Variants in FRK observed in about 807,000 individuals in gnomAD.
The protein encoded by FRK is tyrosine-protein kinase FRK.
FRK carries 51 observed loss-of-function variants against 56.4 expected under a neutral mutation model. That is an observed-to-expected ratio of 0.90 (90% CI 0.72 to 1.14). The LOEUF is 1.14. FRK is among the 50% of genes most tolerant of loss of function. FRK has a pLI of 0.00. For synonymous variants in FRK, 245 were observed against 217.9 expected, an observed-to-expected ratio of 1.12 and a Z score of -1.10; for missense variants, 570 against 601.4, an observed-to-expected ratio of 0.95 and a Z score of 0.55.
At position 115,954,544 on chromosome 6, in the gene FRK, G is replaced by A. The variant is rs140813931; in HGVS notation, c.958+1908C>T. ...GAGATGGGACATGAAAAGTAGAGAT[G>A]ATGCCAAGGTATTAGGCCTGAGTTG... On this transcript the variant is annotated intron_variant, in intron 5 of 7. Transcript: ENST00000606080. Among the ~76,000 whole-genome samples the A allele has an allele frequency of 2.8e-4, 43 of 152,290 alleles. No individual in the cohort carries two copies. In the East Asian group the frequency reaches 8.1e-3, roughly 29 times the overall value.
chr6:115,976,294 A>G (rs1001091992), intron 2 of FRK, among the ~76,000 whole-genome samples: 2 of 152,170 alleles, frequency 1.3e-5, no homozygotes, highest in Admixed American at 6.6e-5. Context: ...CTCTGCCCCA[A>G]TTCTACCCCA....
Position 115,940,215 on chromosome 6 carries a change from A to C in FRK, c.*2199T>G. 1 of 152,224 alleles carries C rather than the reference A, an allele frequency of 6.6e-6. No individual in the cohort carries two copies. The highest frequency in any genetic ancestry group is 1.5e-5 in the Non-Finnish European group (1 of 68,048). The allele number at this position is 152,224 out of a possible 1,614,324, so 9.4% of individuals were successfully genotyped here. On this transcript the variant is annotated 3_prime_UTR_variant, in exon 8 of 8. Coordinates refer to ENST00000606080, the MANE Select transcript of FRK (RefSeq NM_002031.3). ...TCTGATCTTTGACAAACCTTACAAA[A>C]ACAACCAATGGGGAAAGGATTCCCT... is the stretch of plus-strand genomic sequence containing the variant.
intron 4 of FRK, among the ~76,000 whole-genome samples, chr6:115,957,640 T>C (rs1418971002): frequency 1.3e-5 from 2 of 152,214 alleles, no homozygotes; most frequent in African/African-American, 4.8e-5. Context: ...CTATGACTTG[T>C]TTATTAATGT....
In FRK at chr6:116,013,648, C is replaced by T. The variant is rs1775549739; in HGVS notation, c.345-9650G>A. The stretch of plus-strand genomic sequence containing the variant: ...TTATAAAATACCACAAATGTTCATT[C>T]CTATTCTCTATACGAATAAGCTTTG... On this transcript the variant is annotated intron_variant, in intron 1 of 7. Transcript: ENST00000606080. Among the ~76,000 whole-genome samples, 3 of 152,096 alleles carry T rather than the reference C, an allele frequency of 2.0e-5. No homozygotes were observed. The South Asian group carries it at 6.2e-4, about 32-fold the overall frequency.
the FRK span, among the ~76,000 whole-genome samples, chr6:116,088,099 C>T: frequency 6.6e-6 from 1 of 152,154 alleles, no homozygotes; most frequent in African/African-American, 2.4e-5. Flanking sequence ...GACATGCCAG[C>T]AGAATTGAAC....
intron 2 of FRK, among the ~76,000 whole-genome samples, chr6:115,988,101 C>A (rs1774457585): frequency 6.6e-6 from 1 of 151,992 alleles, no homozygotes; most frequent in Non-Finnish European, 1.5e-5. Flanking sequence ...AAAATAGTTT[C>A]TCAGATTGCA....
intron 2 of FRK, among the ~76,000 whole-genome samples, chr6:115,985,102 C>A (rs945515601): frequency 7.2e-5 from 11 of 152,046 alleles, no homozygotes; most frequent in African/African-American, 2.7e-4. Context: ...ACATGCAAAT[C>A]AATTAATTCA....
intron 1 of FRK, among the ~76,000 whole-genome samples, chr6:116,025,184 C>T (rs544898593): frequency 6.6e-6 from 1 of 152,122 alleles, no homozygotes; most frequent in Non-Finnish European, 1.5e-5. Flanking sequence ...TCAAAAGATA[C>T]CACATAGACT....
chr6:116,080,487 C>T, the FRK span, among the ~76,000 whole-genome samples: 1 of 152,178 alleles, frequency 6.6e-6, no homozygotes, highest in African/African-American at 2.4e-5. Flanking sequence ...ACCCAGAAGC[C>T]TTGAACCCAA....
At chr6:115,955,184 A>C (rs1772936759) in intron 5 of FRK, among the ~76,000 whole-genome samples, 1 of 152,112 alleles carries the variant, frequency 6.6e-6, no homozygotes, top group South Asian at 2.1e-4. Context: ...GGGTCTGGGA[A>C]TGAAGGAAAT....
chr6:115,968,677 G>T lies in FRK; in HGVS notation c.529C>A (p.Leu177Ile), dbSNP rs917697615. ...IKRLDEGGFF[L>I]TRRRIFSTLN... Reference sequence around the variant, plus strand: ...GTTGAAAAGATTCTTCTTCGCGTGAGAAAAAATCCCCCTTCATCCAGTCTT... The same window carrying T: ...GTTGAAAAGATTCTTCTTCGCGTGATAAAAAATCCCCCTTCATCCAGTCTT... Residue 177 changes from leucine (L) to isoleucine (I), a missense_variant, in exon 3 of 8, where the codon CTC (leucine) becomes ATC (isoleucine). Transcript: ENST00000606080. 5.6e-6 allele frequency: 9 copies of T among 1,613,612 alleles called. No individual in the cohort carries two copies. Among genetic ancestry groups the T allele is most frequent in the Non-Finnish European group, 7.6e-6 (9 of 1,179,800 alleles).
chr6:115,970,637 G>A (rs1205722194), intron 2 of FRK, among the ~76,000 whole-genome samples: 2 of 152,176 alleles, frequency 1.3e-5, no homozygotes, highest in African/African-American at 2.4e-5. Flanking sequence ...GGTGGCTCAC[G>A]CCTTTAGTCA....
intron 5 of FRK, among the ~76,000 whole-genome samples, chr6:115,956,013 G>A (rs1772971028): frequency 6.6e-6 from 1 of 152,146 alleles, no homozygotes; most frequent in Non-Finnish European, 1.5e-5. Context: ...GTACAATGTT[G>A]TCAAATACCA....
chr6:116,016,900 C>T (rs1210307480), intron 1 of FRK, among the ~76,000 whole-genome samples: 2 of 152,130 alleles, frequency 1.3e-5, no homozygotes, highest in African/African-American at 2.4e-5. Context: ...AAACTGAACA[C>T]ATCCACAGAG....
chr6:116,061,931 AAAAGGAAGAAAG>A (rs565882419), upstream of FRK, among the ~76,000 whole-genome samples: 475 of 152,150 alleles, frequency 3.1e-3, no homozygotes, highest in Admixed American at 5.4e-3. Context: ...AAACTCAAGA[AAAAGGAAGAAAG>A]AAAGGAAGAA....
At chr6:115,983,204 G>A (rs1304910332) in intron 2 of FRK, among the ~76,000 whole-genome samples, 1 of 152,064 alleles carries the variant, frequency 6.6e-6, no homozygotes, top group African/African-American at 2.4e-5. Flanking sequence ...GAGAAAACTA[G>A]TTTATGAAGA....
rs144021686 is a variant in FRK at position 116,060,044 on chromosome 6, C to G, written c.268G>C (p.Asp90His). Reference protein sequence around the residue: ...WFARHLEKRRDGSSQQLQGYI... With the variant: ...WFARHLEKRRHGSSQQLQGYI... ...CCTTGTAGTTGCTGACTGGAGCCAT[C>G]TCGTCTTTTCTCCAAGTGTCTGGCA... Residue 90 changes from aspartate to histidine, a missense_variant, in exon 1 of 8, where the codon GAT becomes CAT. Asp to His is a moderately conservative substitution (Grantham distance 81). Coordinates refer to ENST00000606080, the MANE Select transcript of FRK (RefSeq NM_002031.3). 2 of 1,614,190 alleles carry G rather than the reference C, an allele frequency of 1.2e-6. No individual in the cohort carries two copies. The highest frequency in any genetic ancestry group is 1.1e-5 in the South Asian group (1 of 91,074).
At chr6:116,074,944 GC>G in the FRK span, among the ~76,000 whole-genome samples, 10 of 152,230 alleles carry the variant, frequency 6.6e-5, no homozygotes, top group East Asian at 1.9e-3. Flanking sequence ...AATCTGGGAA[GC>G]CAGGCAGCAA....
Position 115,942,090 on chromosome 6 carries a change from G to T in FRK, c.*324C>A, listed in dbSNP as rs1330443763. The stretch of plus-strand genomic sequence containing the variant: ...TACAACAGTCACTGAGTAAAAATTG[G>T]ACTATCATCTGTTGATTCTCTTGAT... On this transcript the variant is annotated 3_prime_UTR_variant, in exon 8 of 8. Transcript: ENST00000606080. The T allele has an allele frequency of 4.0e-6, 1 of 247,586 alleles. No homozygotes were observed. The highest frequency in any genetic ancestry group is 8.0e-6 in the Non-Finnish European group (1 of 124,590). The allele number at this position is 247,586 out of a possible 1,614,324, so 15.3% of individuals were successfully genotyped here.
Sources: allele counts gnomAD v4.1 joint callset (sites outside exome capture counted in the v4.1 genomes callset), GRCh38; gene constraint gnomAD v4.1.1; transcripts MANE v1.5; gene names NCBI Gene and HGNC (gene_info 2026-07-23, HGNC 2026-07-21).